Variants in SEPTIN9 observed in about 807,000 individuals in gnomAD.
SEPTIN9 encodes the protein septin-9.
A neutral mutation model predicts 56.6 loss-of-function variants in SEPTIN9; 13 were observed. The ratio of observed to expected loss-of-function variants is 0.23; its 90% CI spans 0.15 to 0.37. SEPTIN9 has a LOEUF of 0.37. Among genes scored for constraint, SEPTIN9 ranks in the 10% least tolerant of loss-of-function variants. The probability of loss-of-function intolerance (pLI) is 1.00; values close to 1 mark genes in which losing one functional copy is unlikely to be tolerated. For missense variants in SEPTIN9, 650 were observed against 823.1 expected (o/e 0.79, Z 2.57); for synonymous variants, 332 against 334.1 (o/e 0.99, Z 0.07).
intron 2 of SEPTIN9, among the ~76,000 whole-genome samples, chr17:77,365,525 A>G (rs377658898): frequency 5.3e-5 from 8 of 152,028 alleles, no homozygotes; most frequent in East Asian, 3.9e-4. Context: ...AGCTCCCTGT[A>G]ACTGGAGGTG....
At chr17:77,388,026 C>G (rs958392611) in intron 2 of SEPTIN9, among the ~76,000 whole-genome samples, 3 of 152,110 alleles carry the variant, frequency 2.0e-5, no homozygotes, top group African/African-American at 7.2e-5. Context: ...GTCTCAGCGC[C>G]TACTCCTCCC....
At chr17:77,460,755 G>A (rs567392013) in intron 3 of SEPTIN9, among the ~76,000 whole-genome samples, 9 of 152,152 alleles carry the variant, frequency 5.9e-5, no homozygotes, top group South Asian at 2.1e-4. Context: ...CACTGCTGCC[G>A]CTATGCACAG....
Position 77,492,933 on chromosome 17 carries a change from T to G in SEPTIN9, c.1477-47T>G, listed in dbSNP as rs188747. The G allele has an allele frequency of 2.0e-6, 3 of 1,523,492 alleles. No individual in the cohort carries two copies. Among genetic ancestry groups the G allele is most frequent in the Middle Eastern group, 1.7e-4 (1 of 5,966 alleles). The allele number at this position is 1,523,492 out of a possible 1,614,324, so 94.4% of individuals were successfully genotyped here. ...CCTCCCGGGGGCCCAGGGGAGGGAA[T>G]TGCCTTCCCGCACATGTGTAACCAA... On this transcript the variant is annotated intron_variant, in intron 9 of 11. Coordinates refer to ENST00000427177, the MANE Select transcript of SEPTIN9 (RefSeq NM_001113491.2). The surrounding 1 kb of genome is among the most constrained non-coding windows in gnomAD (Gnocchi z 5.4).
chr17:77,401,588 A>T (rs1272762058), intron 2 of SEPTIN9, among the ~76,000 whole-genome samples: 1 of 152,116 alleles, frequency 6.6e-6, no homozygotes, highest in African/African-American at 2.4e-5. Flanking sequence ...TCTACTAAAA[A>T]TACAAAAATT....
chr17:77,387,386 CCTCTT>C (rs2035374137), intron 2 of SEPTIN9, among the ~76,000 whole-genome samples: 1 of 152,218 alleles, frequency 6.6e-6, no homozygotes, highest in Non-Finnish European at 1.5e-5. Flanking sequence ...AGGATACTCT[CCTCTT>C]GAGATCCTTT....
rs1192705109 is a variant in SEPTIN9, at chr17:77,453,687, A to C, written c.722-28457A>C. The C allele has an allele frequency of 6.6e-6, 1 of 150,526 alleles. No individual in the cohort carries two copies. Among genetic ancestry groups the C allele is most frequent in the Non-Finnish European group, 1.5e-5 (1 of 67,864 alleles). 9.3% of individuals were successfully genotyped at this position (150,526 alleles called of 1,614,324 possible). A position where few individuals can be genotyped will look rare whatever the true frequency, so the allele number is the denominator to read the frequency against. On this transcript the variant is annotated intron_variant, in intron 3 of 11. Transcript: ENST00000427177. The surrounding 1 kb of genome is among the most constrained non-coding windows in gnomAD (Gnocchi z 4.4). ...TCCACTGTGCTCCACAAGGACTTTC[A>C]CCCCGGAAGCCCTAGACCCACTTGG...
In SEPTIN9 at chr17:77,499,158, A is replaced by G. The variant is rs1397722864; in HGVS notation, c.*500A>G. ...AGCACCTGGACCCCCTGCCCGCCACATGGTGTGGCCATCACTCAGCCCCTA... is the reference window on the plus strand; with the variant it reads ...AGCACCTGGACCCCCTGCCCGCCACGTGGTGTGGCCATCACTCAGCCCCTA... On this transcript the variant is annotated 3_prime_UTR_variant, in exon 12 of 12. Coordinates refer to ENST00000427177, the MANE Select transcript of SEPTIN9 (RefSeq NM_001113491.2). 7.5e-6 allele frequency: 4 copies of G among 536,176 alleles called. No individual in the cohort carries two copies. Among genetic ancestry groups the G allele is most frequent in the African/African-American group, 5.6e-5 (3 of 53,844 alleles). The allele number at this position is 536,176 out of a possible 1,614,324, so 33.2% of individuals were successfully genotyped here.
At chr17:77,386,596 C>T (rs1012561110) in intron 2 of SEPTIN9, among the ~76,000 whole-genome samples, 4 of 152,168 alleles carry the variant, frequency 2.6e-5, no homozygotes, top group Non-Finnish European at 4.4e-5. Flanking sequence ...TTTTCCTTCT[C>T]TCATAGGCCA....
intron 3 of SEPTIN9, among the ~76,000 whole-genome samples, chr17:77,448,484 CAAA>C (rs746241410): frequency 1.1e-4 from 13 of 118,854 alleles, no homozygotes; most frequent in Admixed American, 1.7e-4. Context: ...CCCCGGCAAC[CAAA>C]AAAAAAAAAA....
At chr17:77,390,582 G>T (rs2035505934) in intron 2 of SEPTIN9, among the ~76,000 whole-genome samples, 1 of 150,728 alleles carries the variant, frequency 6.6e-6, no homozygotes. Flanking sequence ...CTCCCGAGTA[G>T]CTGGGACTAC....
intron 2 of SEPTIN9, among the ~76,000 whole-genome samples, chr17:77,383,264 ACCT>A (rs1442709903): frequency 6.8e-6 from 1 of 147,920 alleles, no homozygotes; most frequent in East Asian, 2.0e-4. Flanking sequence ...ACCCACAGGC[ACCT>A]CCTGTGACTG....
At chr17:77,338,137 C>T (rs550949027) in intron 2 of SEPTIN9, among the ~76,000 whole-genome samples, 5 of 151,798 alleles carry the variant, frequency 3.3e-5, no homozygotes, top group African/African-American at 1.2e-4. Flanking sequence ...GTGGAGGTTG[C>T]GGTGAGCTGA....
Position 77,318,066 on chromosome 17 carries a change from A to AAT in SEPTIN9, c.76+10871_76+10872dup, listed in dbSNP as rs1381935899. 2.6e-5 allele frequency among the ~76,000 whole-genome samples: 4 copies of AAT among 151,746 alleles called. No homozygotes were observed. Among genetic ancestry groups the AAT allele is most frequent in the Admixed American group, 1.3e-4 (2 of 15,226 alleles). On this transcript the variant is annotated intron_variant, in intron 2 of 11. Coordinates refer to ENST00000427177, the MANE Select transcript of SEPTIN9 (RefSeq NM_001113491.2). The surrounding 1 kb of genome is among the most constrained non-coding windows in gnomAD (Gnocchi z 4.9). Reference sequence around the variant, plus strand: ...ACTCTGTCTCAATAAAATAAAATAAAATAAAATAATAAATATAATACACTT... The same window carrying AAT: ...ACTCTGTCTCAATAAAATAAAATAAAATATAAAATAATAAATATAATACACTT...
chr17:77,490,891 T>C lies in SEPTIN9; in HGVS notation c.1380+32T>C, dbSNP rs926710134. 2.6e-6 allele frequency: 4 copies of C among 1,512,684 alleles called. No individual in the cohort carries two copies. In the East Asian group the frequency reaches 7.3e-5, roughly 28 times the overall value. The allele number at this position is 1,512,684 out of a possible 1,614,324, so 93.7% of individuals were successfully genotyped here. A position where few individuals can be genotyped will look rare whatever the true frequency, so the allele number is the denominator to read the frequency against. On this transcript the variant is annotated intron_variant, in intron 8 of 11. Coordinates refer to ENST00000427177, the MANE Select transcript of SEPTIN9 (RefSeq NM_001113491.2). ...TTCCATCTCTACTTGCCCCAGCCCT[T>C]CTGTGCAACCTGGAGACGCTGCAGG...
intron 3 of SEPTIN9, among the ~76,000 whole-genome samples, chr17:77,454,813 G>C (rs779148677): frequency 6.6e-6 from 1 of 152,266 alleles, no homozygotes; most frequent in Non-Finnish European, 1.5e-5. Flanking sequence ...GCCTTCTGCA[G>C]GCGCCTGAGC....
intron 4 of SEPTIN9, among the ~76,000 whole-genome samples, chr17:77,485,175 G>T (rs2039705594): frequency 1.3e-5 from 2 of 151,496 alleles, no homozygotes; most frequent in Non-Finnish European, 2.9e-5. Context: ...TAATGTGGGT[G>T]ATGGTGATTG....
At chr17:77,466,475 C>G in intron 3 of SEPTIN9, 1 of 985,476 alleles carries the variant, frequency 1.0e-6, no homozygotes, top group Non-Finnish European at 1.2e-6. Flanking sequence ...GTGTTAGCTG[C>G]GTGAGCGTGA....
At chr17:77,485,469 G>C (rs2039737910) in intron 4 of SEPTIN9, among the ~76,000 whole-genome samples, 1 of 151,612 alleles carries the variant, frequency 6.6e-6, no homozygotes, top group African/African-American at 2.4e-5. Context: ...GGGAGTGATG[G>C]GATGATGGTA....
rs1033400936 is a variant in SEPTIN9 at position 77,317,835 on chromosome 17, G to A, written c.76+10638G>A. Reference sequence around the variant, plus strand: ...TGGGAGGCCAAGGCTGGCGGATCACGAGGTCAGGAGTTCAAGATCAGCCTG... The same window carrying A: ...TGGGAGGCCAAGGCTGGCGGATCACAAGGTCAGGAGTTCAAGATCAGCCTG... On this transcript the variant is annotated intron_variant, in intron 2 of 11. Transcript: ENST00000427177. The surrounding 1 kb of genome is among the most constrained non-coding windows in gnomAD (Gnocchi z 4.2). Among the ~76,000 whole-genome samples, 4 of 152,026 alleles carry A rather than the reference G, an allele frequency of 2.6e-5. No homozygotes were observed. The highest frequency in any genetic ancestry group is 5.9e-5 in the Non-Finnish European group (4 of 67,996).
Sources: gnomAD v4.1 joint callset for allele counts (sites outside exome capture counted in the v4.1 genomes callset) on GRCh38, gnomAD v4.1.1 for gene constraint, Gnocchi (gnomAD v3.1) non-coding constraint, MANE v1.5 for transcripts, NCBI Gene and HGNC (gene_info 2026-07-23, HGNC 2026-07-21) for gene names.